PRTG: variants seen among roughly 807,000 people sequenced by gnomAD.
The protein encoded by PRTG is immunoglobulin superfamily, DCC subclass, member 5.
In PRTG, 67 loss-of-function variants were observed where a neutral mutation model predicts 122.5. That is an observed-to-expected ratio of 0.55 (90% CI 0.45 to 0.67). The LOEUF (loss-of-function observed/expected upper bound fraction) is 0.67. Ranked by LOEUF, PRTG falls within the 30% of genes least tolerant of loss-of-function variation. The pLI is 0.00. For synonymous variants in PRTG, 554 were observed against 501.1 expected (o/e 1.11, Z -1.41); for missense variants, 1,435 against 1,415.4 (o/e 1.01, Z -0.22).
chr15:55,629,303 T>C (rs55974808), intron 15 of PRTG, among the ~76,000 whole-genome samples: 6,280 of 151,936 alleles, frequency 0.041, 424 homozygotes, highest in African/African-American at 0.14. Flanking sequence ...TATAATCCTT[T>C]TCTGTAATTC....
At chr15:55,639,568 G>A in intron 13 of PRTG, 74 bp downstream of exon 13, 1 of 1,343,650 alleles carries the variant, frequency 7.4e-7, no homozygotes, top group Non-Finnish European at 1.0e-6. Flanking sequence ...GGCCCAAGAT[G>A]GTAAGAGGTA....
chr15:55,714,383 C>T (rs1369588294), intron 2 of PRTG, among the ~76,000 whole-genome samples: 3 of 151,320 alleles, frequency 2.0e-5, no homozygotes, highest in South Asian at 2.1e-4. Flanking sequence ...TGCACCCCCA[C>T]CCCCCCGCTA....
rs1370668392 is a variant in PRTG at position 55,618,445 on chromosome 15, T to A, written c.*1567A>T. On this transcript the variant is annotated 3_prime_UTR_variant, in exon 20 of 20. Coordinates refer to ENST00000389286, the MANE Select transcript of PRTG (RefSeq NM_173814.6). ...ATTTGAAAAAATACTTTTAAAAGGATATGGGACCCCTTCTCTACACGCGTT... is the reference window on the plus strand; with the variant it reads ...ATTTGAAAAAATACTTTTAAAAGGAAATGGGACCCCTTCTCTACACGCGTT... 6.6e-6 allele frequency: 1 copy of A among 152,000 alleles called. No individual in the cohort carries two copies. The highest frequency in any genetic ancestry group is 1.5e-5 in the Non-Finnish European group (1 of 67,982). The allele number at this position is 152,000 out of a possible 1,614,324, so 9.4% of individuals were successfully genotyped here.
chr15:55,710,956 G>C (rs2030358527), intron 2 of PRTG, among the ~76,000 whole-genome samples: 1 of 151,910 alleles, frequency 6.6e-6, no homozygotes, highest in Non-Finnish European at 1.5e-5. Context: ...GCCCGGGCTG[G>C]AGTACAATGG....
At chr15:55,690,165 T>G (rs2059592974) in intron 2 of PRTG, among the ~76,000 whole-genome samples, 1 of 152,248 alleles carries the variant, frequency 6.6e-6, no homozygotes, top group South Asian at 2.1e-4. Flanking sequence ...TTAACCATGC[T>G]GATAGGCTCT....
At position 55,740,368 on chromosome 15, in the gene PRTG, A is replaced by T. The variant is rs769914214; in HGVS notation, c.397+14T>A. The T allele has an allele frequency of 6.4e-7, 1 of 1,563,474 alleles. No individual in the cohort carries two copies. Among genetic ancestry groups the T allele is most frequent in the South Asian group, 1.2e-5 (1 of 82,940 alleles). Reference sequence around the variant, plus strand: ...CAATGAAAAATGTCAACAACTAAAAACTTAAACACTTACTTGATAAGGCAA... The same window carrying T: ...CAATGAAAAATGTCAACAACTAAAATCTTAAACACTTACTTGATAAGGCAA... On this transcript the variant is annotated intron_variant, in intron 2 of 19. Transcript: ENST00000389286.
intron 2 of PRTG, among the ~76,000 whole-genome samples, chr15:55,684,206 A>C (rs949014197): frequency 6.6e-6 from 1 of 152,266 alleles, no homozygotes; most frequent in Middle Eastern, 3.2e-3. Flanking sequence ...ATGAAACAAA[A>C]ATAAACAATG....
intron 13 of PRTG, among the ~76,000 whole-genome samples, chr15:55,639,426 T>C (rs182505202): frequency 1.3e-5 from 2 of 152,268 alleles, no homozygotes; most frequent in Admixed American, 1.3e-4. Context: ...GCAAGGAAAA[T>C]TTAAAAATCA....
intron 1 of PRTG, chr15:55,742,575 C>A (rs2031645517): frequency 4.4e-6 from 2 of 458,400 alleles, no homozygotes; most frequent in Non-Finnish European, 3.8e-6. Context: ...AACTCCGCAG[C>A]CACGGGCGCG....
At chr15:55,682,984 G>T (rs1307315464) in intron 3 of PRTG, among the ~76,000 whole-genome samples, 2 of 152,006 alleles carry the variant, frequency 1.3e-5, no homozygotes, top group East Asian at 3.9e-4. Flanking sequence ...TTTTCATTTG[G>T]GTCACTAAAG....
chr15:55,665,131 G>A lies in PRTG; in HGVS notation c.2041+7314C>T, dbSNP rs376441506. Among the ~76,000 whole-genome samples the A allele has an allele frequency of 4.5e-4, 69 of 151,926 alleles. No homozygotes were observed. In the Middle Eastern group the frequency reaches 0.01, roughly 22 times the overall value. On this transcript the variant is annotated intron_variant, in intron 11 of 19. Transcript: ENST00000389286. ...AAAAAATTAGCCTGCGTGGTGGCCGGTGCCTGTAGTCCCAGCTACTTGGGA... is the reference window on the plus strand; with the variant it reads ...AAAAAATTAGCCTGCGTGGTGGCCGATGCCTGTAGTCCCAGCTACTTGGGA...
intron 11 of PRTG, among the ~76,000 whole-genome samples, chr15:55,664,423 G>A (rs142501975): frequency 0.032 from 4,873 of 152,238 alleles, 105 homozygotes; most frequent in Non-Finnish European, 0.046. Flanking sequence ...GATTACAGGC[G>A]TGAGCCACTG....
In PRTG at chr15:55,616,369, A is replaced by G. The variant is rs1040053085; in HGVS notation, c.*3643T>C. 6.6e-6 allele frequency: 1 copy of G among 152,160 alleles called. No individual in the cohort carries two copies. Among genetic ancestry groups the G allele is most frequent in the Admixed American group, 6.5e-5 (1 of 15,272 alleles). 9.4% of individuals were successfully genotyped at this position (152,160 alleles called of 1,614,324 possible). On this transcript the variant is annotated 3_prime_UTR_variant, in exon 20 of 20. Transcript: ENST00000389286. ...ATCCTTAGAGATGAAAAGCATCCCT[A>G]TTATTAAGGGACTGCCTCAAGCCGT...
chr15:55,655,124 A>C (rs1252250551), intron 11 of PRTG: 3 of 152,222 alleles, frequency 2.0e-5, no homozygotes, highest in African/African-American at 7.2e-5. Flanking sequence ...TTTAAAACTC[A>C]CAAGAAACAG....
At chr15:55,638,398 T>G in intron 14 of PRTG, 151 bp downstream of exon 14, 1 of 533,548 alleles carries the variant, frequency 1.9e-6, no homozygotes, top group Non-Finnish European at 3.0e-6. Flanking sequence ...AAAAGAAATT[T>G]CAAAAGCCAA....
intron 2 of PRTG, among the ~76,000 whole-genome samples, chr15:55,710,821 T>C (rs12907892): frequency 0.46 from 69,941 of 151,924 alleles, 18,485 homozygotes; most frequent in Middle Eastern, 0.63. Context: ...TGGTGAGAGA[T>C]AAAAGGAAAA....
intron 19 of PRTG, 63 bp downstream of exon 19, chr15:55,620,600 T>G: frequency 7.2e-6 from 11 of 1,532,284 alleles, no homozygotes; most frequent in Non-Finnish European, 5.2e-6. Context: ...CATTTTCCTC[T>G]TTTTAAATCA....
At chr15:55,674,772 T>G (rs2059492769) in intron 9 of PRTG, among the ~76,000 whole-genome samples, 1 of 152,080 alleles carries the variant, frequency 6.6e-6, no homozygotes, top group South Asian at 2.1e-4. Flanking sequence ...GGATAAAACA[T>G]TTGCTAAGTG....
At position 55,740,686 on chromosome 15, in the gene PRTG, T is replaced by C. The variant is rs1195804606; in HGVS notation, c.95-2A>G. The C allele has an allele frequency of 1.1e-5, 18 of 1,592,330 alleles. No individual in the cohort carries two copies. The highest frequency in any genetic ancestry group is 4.5e-5 in the East Asian group (2 of 44,680). On this transcript the variant is annotated splice_acceptor_variant, in intron 1 of 19. Coordinates refer to ENST00000389286, the MANE Select transcript of PRTG (RefSeq NM_173814.6). LOFTEE classifies it high-confidence loss of function. ...ACAGTTCGCTAAAGCACCACACTCC[T>C]ATAAGGAAAAAAAAGGAGAACGGCA...
Sources: gnomAD v4.1 joint callset for allele counts (sites outside exome capture counted in the v4.1 genomes callset) on GRCh38, gnomAD v4.1.1 for gene constraint, MANE v1.5 for transcripts, NCBI Gene and HGNC (gene_info 2026-07-23, HGNC 2026-07-21) for gene names.